The following TAF4B variants were observed in gnomAD, a reference collection of about 807,000 sequenced individuals.
TAF4B encodes TATA-box binding protein associated factor 4b, also known as transcription initiation factor TFIID subunit 4B.
A neutral mutation model predicts 86.4 loss-of-function variants in TAF4B; 38 were observed. That is an observed-to-expected ratio of 0.44 (90% CI 0.34 to 0.58). TAF4B has a LOEUF of 0.58. Ranked by LOEUF, TAF4B falls within the 20% of genes least tolerant of loss-of-function variation. The pLI, the probability that TAF4B is intolerant of heterozygous loss-of-function variation, is 0.02. For synonymous variants in TAF4B, 388 were observed against 391.2 expected (o/e 0.99, Z 0.10); for missense variants, 988 against 1,027.6 (o/e 0.96, Z 0.53).
chr18:26,326,935 T>C (rs2057009191), intron 11 of TAF4B, 80 bp from the exon 12 acceptor site: 2 of 1,410,290 alleles, frequency 1.4e-6, no homozygotes, highest in Non-Finnish European at 9.4e-7. Context: ...TTCCTGCCTT[T>C]AGCAGGTTTA....
intron 14 of TAF4B, among the ~76,000 whole-genome samples, chr18:26,370,463 C>G (rs1015099511): frequency 6.6e-6 from 1 of 152,184 alleles, no homozygotes; most frequent in African/African-American, 2.4e-5. Context: ...CCTTGCCAGT[C>G]CTTCTACCCC....
Position 26,267,543 on chromosome 18 carries a change from G to A in TAF4B, c.517G>A (p.Val173Met), listed in dbSNP as rs778502124. The A allele has an allele frequency of 1.9e-6, 3 of 1,614,102 alleles. No individual in the cohort carries two copies. The South Asian group carries it at 3.3e-5, about 18-fold the overall frequency. Residue 173 changes from valine (V) to methionine (M), a missense_variant, in exon 3 of 15, where the codon GTG becomes ATG. Val to Met is a conservative substitution (Grantham distance 21, BLOSUM62 1). Coordinates refer to ENST00000269142, the MANE Select transcript of TAF4B (RefSeq NM_005640.3). ...CTCTAGCTCACAATTAATCAAGAAA[G>A]TGGCAGTGACACCTGTTAAAAAATT... ...PNSSSQLIKK[V>M]AVTPVKKLAQ...
intron 9 of TAF4B, among the ~76,000 whole-genome samples, chr18:26,307,409 T>C (rs2056806201): frequency 6.6e-6 from 1 of 152,166 alleles, no homozygotes; most frequent in Admixed American, 6.5e-5. Flanking sequence ...CTTTCCATCA[T>C]ACTTCAGAAT....
chr18:26,260,617 C>A (rs1459438422), intron 1 of TAF4B, among the ~76,000 whole-genome samples: 1 of 152,060 alleles, frequency 6.6e-6, no homozygotes, highest in Non-Finnish European at 1.5e-5. Context: ...TTTCTGAGGG[C>A]TCTGTTCTGT....
intron 14 of TAF4B, among the ~76,000 whole-genome samples, chr18:26,372,012 A>G (rs1157838340): frequency 6.6e-6 from 1 of 152,188 alleles, no homozygotes; most frequent in East Asian, 1.9e-4. Context: ...GAGACCCAAA[A>G]CACCGTTGTT....
chr18:26,347,876 A>AAT (rs1392895681), intron 13 of TAF4B, among the ~76,000 whole-genome samples: 1 of 152,264 alleles, frequency 6.6e-6, no homozygotes, highest in Admixed American at 6.5e-5. Context: ...AACAATTGTG[A>AAT]ATATATATGT....
chr18:26,232,643 G>A (rs1031083631), intron 1 of TAF4B, among the ~76,000 whole-genome samples: 6 of 152,048 alleles, frequency 3.9e-5, no homozygotes, highest in African/African-American at 1.5e-4. Flanking sequence ...ACACCTGGTG[G>A]CATCTCGTAC....
At chr18:26,231,398 G>T (rs184161664) in intron 1 of TAF4B, among the ~76,000 whole-genome samples, 1 of 139,172 alleles carries the variant, frequency 7.2e-6, no homozygotes, top group Non-Finnish European at 1.5e-5. Flanking sequence ...TGTTGCCCAG[G>T]TTGGAGTACA....
At chr18:26,349,644 AGTCAATGC>A (rs1451322118) in intron 13 of TAF4B, among the ~76,000 whole-genome samples, 1 of 152,248 alleles carries the variant, frequency 6.6e-6, no homozygotes, top group African/African-American at 2.4e-5. Context: ...CAATCAACAG[AGTCAATGC>A]AATCTCTGTC....
rs148876576 is a variant in TAF4B at position 26,323,839 on chromosome 18, G to A, written c.2133+2639G>A. On this transcript the variant is annotated intron_variant, in intron 11 of 14. Coordinates refer to ENST00000269142, the MANE Select transcript of TAF4B (RefSeq NM_005640.3). ...TATGGTTTCAACTAAAGTATAGACA[G>A]CATATAATTTGATCATTTTTTAAAA... 4.1e-3 allele frequency among the ~76,000 whole-genome samples: 628 copies of A among 152,244 alleles called. 2 individuals are homozygous for A. Among genetic ancestry groups the A allele is most frequent in the African/African-American group, 0.015 (604 of 41,548 alleles).
At chr18:26,235,441 G>A (rs2055734797) in intron 1 of TAF4B, among the ~76,000 whole-genome samples, 1 of 152,176 alleles carries the variant, frequency 6.6e-6, no homozygotes, top group Non-Finnish European at 1.5e-5. Context: ...GCAGAGCTGG[G>A]CCTTCAATTT....
intron 12 of TAF4B, among the ~76,000 whole-genome samples, chr18:26,332,126 A>G (rs2057054881): frequency 6.6e-6 from 1 of 151,866 alleles, no homozygotes; most frequent in African/African-American, 2.4e-5. Flanking sequence ...TTAGATCTCT[A>G]CTCTCTTAGA....
At position 26,325,504 on chromosome 18, in the gene TAF4B, G is replaced by A. The variant is rs149611900; in HGVS notation, c.2134-1511G>A. 2.8e-3 allele frequency among the ~76,000 whole-genome samples: 433 copies of A among 152,268 alleles called. 2 individuals are homozygous for A. The highest frequency in any genetic ancestry group is 4.4e-3 in the Non-Finnish European group (302 of 68,016). ...AATAGGGAGGGCACTCATTTGTTTAGTGATACGGAAGAAAAAAGGATGCGA... is the reference window on the plus strand; with the variant it reads ...AATAGGGAGGGCACTCATTTGTTTAATGATACGGAAGAAAAAAGGATGCGA... On this transcript the variant is annotated intron_variant, in intron 11 of 14. Coordinates refer to ENST00000269142, the MANE Select transcript of TAF4B (RefSeq NM_005640.3).
At position 26,267,253 on chromosome 18, in the gene TAF4B, G is replaced by T. The variant is rs142556872; in HGVS notation, c.490-263G>T. ...GATTAAGATTTTAATGTTGAATACT[G>T]TAATATTTATTTAGTTTGAAATTTC... is the stretch of plus-strand genomic sequence containing the variant. On this transcript the variant is annotated intron_variant, in intron 2 of 14. Transcript: ENST00000269142. 2.6e-3 allele frequency: 755 copies of T among 291,884 alleles called. 5 individuals carry two copies. The highest frequency in any genetic ancestry group is 0.015 in the African/African-American group (703 of 46,766). 18.1% of individuals were successfully genotyped at this position (291,884 alleles called of 1,614,324 possible).
At chr18:26,242,918 G>C (rs1466458374) in intron 1 of TAF4B, among the ~76,000 whole-genome samples, 21 of 152,182 alleles carry the variant, frequency 1.4e-4, no homozygotes, top group Admixed American at 1.2e-3. Context: ...GGCCCCCACT[G>C]TCTTCTGGCT....
At chr18:26,234,924 G>A (rs755449407) in intron 1 of TAF4B, among the ~76,000 whole-genome samples, 53 of 152,162 alleles carry the variant, frequency 3.5e-4, no homozygotes, top group Non-Finnish European at 6.5e-4. Flanking sequence ...TCCTTTCCTT[G>A]TGTTATTTTG....
intron 10 of TAF4B, among the ~76,000 whole-genome samples, chr18:26,320,318 A>G (rs1387506178): frequency 6.6e-6 from 1 of 152,196 alleles, no homozygotes; most frequent in African/African-American, 2.4e-5. Context: ...TGGGGCTGAG[A>G]AGTACTATTT....
intron 11 of TAF4B, among the ~76,000 whole-genome samples, 188 bp from the exon 12 acceptor site, chr18:26,326,827 A>T (rs1568154796): frequency 6.6e-6 from 1 of 152,204 alleles, no homozygotes; most frequent in Non-Finnish European, 1.5e-5. Context: ...AAGAATGATT[A>T]AAGTTTCTTT....
chr18:26,357,629 T>C, intron 13 of TAF4B, 61 bp from the exon 14 acceptor site: 1 of 1,185,372 alleles, frequency 8.4e-7, no homozygotes, highest in Admixed American at 2.2e-5. Flanking sequence ...GTAATCAGTT[T>C]CTTTTTCCCT....
Sources: gnomAD v4.1 joint callset for allele counts (sites outside exome capture counted in the v4.1 genomes callset) on GRCh38, gnomAD v4.1.1 for gene constraint, MANE v1.5 for transcripts, NCBI Gene and HGNC (gene_info 2026-07-23, HGNC 2026-07-21) for gene names.